The following CILP2 variants were observed in gnomAD, a reference collection of about 807,000 sequenced individuals.
CILP2 encodes the protein CILP-2.
A neutral mutation model predicts 45.6 loss-of-function variants in CILP2; 38 were observed. The observed-to-expected ratio is 0.83, with a 90% confidence interval of 0.64 to 1.09. The LOEUF (loss-of-function observed/expected upper bound fraction) is 1.09. Among genes scored for constraint, CILP2 ranks in the 50% least tolerant of loss-of-function variants. The pLI, the probability that CILP2 is intolerant of heterozygous loss-of-function variation, is 0.00. For synonymous variants in CILP2, 780 were observed against 723.5 expected, an observed-to-expected ratio of 1.08 and a Z score of -1.25; for missense variants, 1,735 against 1,662.2, an observed-to-expected ratio of 1.04 and a Z score of -0.76.
rs1019229479 is a variant in CILP2, at chr19:19,543,305, G to T, written c.1035G>T (p.Glu345Asp). 10 of 1,613,770 alleles carry T rather than the reference G, an allele frequency of 6.2e-6. No individual in the cohort carries two copies. The highest frequency in any genetic ancestry group is 8.5e-6 in the Non-Finnish European group (10 of 1,180,010). ...CTCATGGGTACGGGGCCCACCTGGAGCTGCGGGGACTGCGCCCAGACCAGG... is the reference window on the plus strand; with the variant it reads ...CTCATGGGTACGGGGCCCACCTGGATCTGCGGGGACTGCGCCCAGACCAGG... ...RRAHGYGAHL[E>D]LRGLRPDQAG... The change falls in exon 7 of 8, where the codon GAG (glutamate) becomes GAT (aspartate). Residue 345 changes from glutamate to aspartate, a missense_variant. By Grantham distance (45) the Glu-to-Asp change is conservative (BLOSUM62 2). Coordinates refer to ENST00000291495, the MANE Select transcript of CILP2 (RefSeq NM_153221.2).
At chr19:19,543,606 CAGACAG>C (rs2061252099) in intron 7 of CILP2, 69 bp from the exon 8 acceptor site, 10 of 1,454,166 alleles carry the variant, frequency 6.9e-6, no homozygotes, top group Non-Finnish European at 7.5e-6. Flanking sequence ...TCCTTGACTG[CAGACAG>C]AGTCCCCAGC....
Position 19,544,359 on chromosome 19 carries a change from C to T in CILP2, c.1814C>T (p.Ala605Val), listed in dbSNP as rs1445759088. The change falls in exon 8 of 8, where the codon GCC (alanine) becomes GTC (valine). Residue 605 changes from alanine (A) to valine (V), a missense_variant. Coordinates refer to ENST00000291495, the MANE Select transcript of CILP2 (RefSeq NM_153221.2). ...DGKPYSGPVE[A>V]RVTFVDPRDL... is the part of the protein sequence containing the mutation. Reference sequence around the variant, plus strand: ...AAACCCTACTCGGGGCCTGTGGAGGCCCGGGTGACGTTCGTGGACCCCCGA... The same window carrying T: ...AAACCCTACTCGGGGCCTGTGGAGGTCCGGGTGACGTTCGTGGACCCCCGA... The T allele has an allele frequency of 1.2e-6, 2 of 1,609,464 alleles. No individual in the cohort carries two copies. Among genetic ancestry groups the T allele is most frequent in the East Asian group, 4.5e-5 (2 of 44,760 alleles).
chr19:19,541,286 G>C, intron 4 of CILP2, 40 bp downstream of exon 4: 1 of 1,263,900 alleles, frequency 7.9e-7, no homozygotes, highest in Non-Finnish European at 1.0e-6. Context: ...CCTGTACAGA[G>C]GGGAGGAAGG....
intron 2 of CILP2, 87 bp from the exon 3 acceptor site, chr19:19,540,117 G>C (rs2061238011): frequency 7.1e-7 from 1 of 1,407,588 alleles, no homozygotes; most frequent in African/African-American, 1.5e-5. Flanking sequence ...CCGGGGGAGG[G>C]GGCTGAGACA....
chr19:19,542,679 AG>A, intron 5 of CILP2, 29 bp downstream of exon 5: 2 of 1,607,476 alleles, frequency 1.2e-6, no homozygotes, highest in Non-Finnish European at 1.7e-6. Flanking sequence ...TGGGGCATGA[AG>A]GGGCTGAGGA....
At position 19,544,159 on chromosome 19, in the gene CILP2, G is replaced by A. The variant is rs2061254501; in HGVS notation, c.1614G>A (p.Leu538=). Residue 538 remains leucine, a synonymous_variant, in exon 8 of 8, where the codon TTG becomes TTA. Transcript: ENST00000291495. ...SGEFMDAVRV[L]PFDPRGAGVY... ...AGTTCATGGACGCTGTCCGGGTCTTGCCTTTTGATCCTCGAGGTGCCGGCG... is the reference window on the plus strand; with the variant it reads ...AGTTCATGGACGCTGTCCGGGTCTTACCTTTTGATCCTCGAGGTGCCGGCG... 2 of 1,613,768 alleles carry A rather than the reference G, an allele frequency of 1.2e-6. No homozygotes were observed. The highest frequency in any genetic ancestry group is 4.5e-5 in the East Asian group (2 of 44,876).
At chr19:19,539,535 G>C in intron 1 of CILP2, 144 bp from the exon 2 acceptor site, 3 of 518,084 alleles carry the variant, frequency 5.8e-6, no homozygotes, top group Non-Finnish European at 9.9e-6. Flanking sequence ...CTGCACTCCA[G>C]CCTGGGTGAC....
rs750994887 is a variant in CILP2, at chr19:19,543,677, C to G, written c.1136-4C>G. On this transcript the variant is annotated splice_region_variant and splice_polypyrimidine_tract_variant and intron_variant, in intron 7 of 7. Coordinates refer to ENST00000291495, the MANE Select transcript of CILP2 (RefSeq NM_153221.2). ...CCTGACCTGCATGTTTTCTTTGTCC[C>G]CAGCCCCAGGCCAGCCAGCCTGCGA... 3 of 1,584,738 alleles carry G rather than the reference C, an allele frequency of 1.9e-6. No individual in the cohort carries two copies. Among genetic ancestry groups the G allele is most frequent in the South Asian group, 2.3e-5 (2 of 86,848 alleles).
In CILP2 at chr19:19,545,131, C is replaced by A; in HGVS notation, c.2586C>A (p.Asn862Lys). 1 of 1,612,224 alleles carries A rather than the reference C, an allele frequency of 6.2e-7. No individual in the cohort carries two copies. The highest frequency in any genetic ancestry group is 1.1e-5 in the South Asian group (1 of 91,046). ...PAFKRNGFRI[N>K]LAKPRPGDPA... ...TCAAGCGTAACGGCTTCCGCATCAA[C>A]CTCGCCAAGCCCAGGCCAGGTGACC... The change falls in exon 8 of 8, where the codon AAC becomes AAA. Residue 862 changes from asparagine (N) to lysine (K), a missense_variant. Physicochemically the swap from Asn to Lys is moderately conservative, Grantham distance 94. Coordinates refer to ENST00000291495, the MANE Select transcript of CILP2 (RefSeq NM_153221.2).
intron 4 of CILP2, among the ~76,000 whole-genome samples, chr19:19,541,489 GGA>G (rs2061244101): frequency 6.6e-6 from 1 of 152,196 alleles, no homozygotes; most frequent in South Asian, 2.1e-4. Flanking sequence ...GGAGCCAGGT[GGA>G]GACCAGCCCT....
In CILP2 at chr19:19,539,580, AGGG is replaced by A. The variant is rs1555729751; in HGVS notation, c.65-93_65-91del. On this transcript the variant is annotated intron_variant, in intron 1 of 7. Coordinates refer to ENST00000291495, the MANE Select transcript of CILP2 (RefSeq NM_153221.2). Reference sequence around the variant, plus strand: ...TTCCGTCTCAAAAAAAAAAAAAAAAAGGGGGGGGATGATCGTGGCTGCACCTTG... The same window carrying A: ...TTCCGTCTCAAAAAAAAAAAAAAAAAGGGGGATGATCGTGGCTGCACCTTG... 6.5e-5 allele frequency: 36 copies of A among 555,098 alleles called. No individual in the cohort carries two copies. The South Asian group carries it at 1.4e-3, about 21-fold the overall frequency. The allele number at this position is 555,098 out of a possible 1,614,324, so 34.4% of individuals were successfully genotyped here. A position where few individuals can be genotyped will look rare whatever the true frequency, so the allele number is the denominator to read the frequency against.
In CILP2 at chr19:19,538,304, G is replaced by C. The variant is rs1273541090; in HGVS notation, c.-46G>C. On this transcript the variant is annotated 5_prime_UTR_variant, in exon 1 of 8. Coordinates refer to ENST00000291495, the MANE Select transcript of CILP2 (RefSeq NM_153221.2). ...CCAGACCCGCCGGAGTTGGACCCGA[G>C]CACGCCGCGGAGCCCGGACCCTCCC... 1 of 1,531,960 alleles carries C rather than the reference G, an allele frequency of 6.5e-7. No individual in the cohort carries two copies. Among genetic ancestry groups the C allele is most frequent in the Non-Finnish European group, 8.7e-7 (1 of 1,143,466 alleles). 94.9% of individuals were successfully genotyped at this position (1,531,960 alleles called of 1,614,324 possible).
chr19:19,540,437 C>A lies in CILP2; in HGVS notation c.397C>A (p.Arg133Ser), dbSNP rs777852229. 1 of 1,472,358 alleles carries A rather than the reference C, an allele frequency of 6.8e-7. No individual in the cohort carries two copies. The highest frequency in any genetic ancestry group is 9.0e-7 in the Non-Finnish European group (1 of 1,116,818). 91.2% of individuals were successfully genotyped at this position (1,472,358 alleles called of 1,614,324 possible). A position where few individuals can be genotyped will look rare whatever the true frequency, so the allele number is the denominator to read the frequency against. The change falls in exon 3 of 8, where the codon CGC becomes AGC. Residue 133 changes from arginine (R) to serine (S), a missense_variant. By Grantham distance (110) the Arg-to-Ser change is moderately radical (BLOSUM62 -1). Transcript: ENST00000291495. ...CAACCGCGAGCAACCGCGTGGCCGC[C>A]GCTGCTCCAACTACCACGTGCGCTT... ...CLNREQPRGR[R>S]CSNYHVRFRC...
In CILP2 at chr19:19,545,914, G is replaced by A. The variant is rs201174149; in HGVS notation, c.3369G>A (p.Ala1123=). 1.4e-5 allele frequency: 22 copies of A among 1,581,916 alleles called. No homozygotes were observed. In the Admixed American group the frequency reaches 1.7e-4, roughly 13 times the overall value. The change falls in exon 8 of 8, where the codon GCG becomes GCA. Residue 1123 remains alanine, a synonymous_variant. Coordinates refer to ENST00000291495, the MANE Select transcript of CILP2 (RefSeq NM_153221.2). ...SLFQRLLESP[A]TALGDIRREM... ...TCCAGAGGCTGCTGGAGTCCCCGGC[G>A]ACAGCACTTGGTGACATCCGCAGGG... is the stretch of plus-strand genomic sequence containing the variant.
In CILP2 at chr19:19,545,864, C is replaced by T. The variant is rs372001022; in HGVS notation, c.3319C>T (p.Pro1107Ser). 1.3e-6 allele frequency: 2 copies of T among 1,586,754 alleles called. No individual in the cohort carries two copies. The highest frequency in any genetic ancestry group is 1.7e-6 in the Non-Finnish European group (2 of 1,161,176). Reference protein sequence around the residue: ...GTAVTFQCREPPAGRPSLFQR... With the variant: ...GTAVTFQCRESPAGRPSLFQR... ...AGCCGTCACCTTCCAGTGCCGGGAG[C>T]CACCGGCCGGACGACCCAGCCTCTT... The change falls in exon 8 of 8, where the codon CCA becomes TCA. Residue 1107 changes from proline (P) to serine (S), a missense_variant. Physicochemically the swap from Pro to Ser is moderately conservative, Grantham distance 74. Coordinates refer to ENST00000291495, the MANE Select transcript of CILP2 (RefSeq NM_153221.2).
chr19:19,542,897 G>A lies in CILP2; in HGVS notation c.902G>A (p.Arg301Gln), dbSNP rs539934829. The change falls in exon 6 of 8, where the codon CGA (arginine) becomes CAA (glutamine). Residue 301 changes from arginine to glutamine, a missense_variant. Physicochemically the swap from Arg to Gln is conservative, Grantham distance 43 (BLOSUM62 1). Coordinates refer to ENST00000291495, the MANE Select transcript of CILP2 (RefSeq NM_153221.2). Reference protein sequence around the residue: ...KPYLVKHPESRVREAGQNVTF... With the variant: ...KPYLVKHPESQVREAGQNVTF... ...TACCTGGTGAAACACCCTGAGTCCC[G>A]AGTGCGAGAGGCTGGCCAGAATGTG... 5 of 1,613,938 alleles carry A rather than the reference G, an allele frequency of 3.1e-6. No individual in the cohort carries two copies. The highest frequency in any genetic ancestry group is 1.7e-5 in the Admixed American group (1 of 60,006).
Position 19,545,251 on chromosome 19 carries a change from G to A in CILP2, c.2706G>A (p.Val902=). 1 of 1,612,446 alleles carries A rather than the reference G, an allele frequency of 6.2e-7. No homozygotes were observed. Among genetic ancestry groups the A allele is most frequent in the African/African-American group, 1.3e-5 (1 of 75,066 alleles). The change falls in exon 8 of 8, where the codon GTG becomes GTA. Residue 902 remains valine, a synonymous_variant. Transcript: ENST00000291495. Reference sequence around the variant, plus strand: ...CCAGCCACTTCCGCTTCGCCAGGGTGGAGGCGGACAAGTACGAGTACAACG... The same window carrying A: ...CCAGCCACTTCCGCTTCGCCAGGGTAGAGGCGGACAAGTACGAGTACAACG... ...VTASHFRFAR[V]EADKYEYNVV...
rs767287963 is a variant in CILP2 at position 19,544,151 on chromosome 19, C to T, written c.1606C>T (p.Arg536Trp). Reference sequence around the variant, plus strand: ...CAGCGGTGAGTTCATGGACGCTGTCCGGGTCTTGCCTTTTGATCCTCGAGG... The same window carrying T: ...CAGCGGTGAGTTCATGGACGCTGTCTGGGTCTTGCCTTTTGATCCTCGAGG... ...DPSGEFMDAV[R>W]VLPFDPRGAG... Residue 536 changes from arginine (R) to tryptophan (W), a missense_variant, in exon 8 of 8, where the codon CGG becomes TGG. By Grantham distance (101) the Arg-to-Trp change is moderately radical (BLOSUM62 -3). Transcript: ENST00000291495. The T allele has an allele frequency of 2.5e-6, 4 of 1,613,842 alleles. No homozygotes were observed. Among genetic ancestry groups the T allele is most frequent in the Middle Eastern group, 1.6e-4 (1 of 6,062 alleles).
chr19:19,544,825 C>A lies in CILP2; in HGVS notation c.2280C>A (p.Val760=), dbSNP rs774771611. The part of the protein sequence containing the change: ...TPSEQVEGVV[V]TLVNLEPAPG... ...GCGAGCAGGTGGAGGGCGTGGTGGT[C>A]ACGCTGGTCAATCTGGAGCCCGCCC... The change falls in exon 8 of 8, where the codon GTC becomes GTA. Residue 760 remains valine (V), a synonymous_variant. Coordinates refer to ENST00000291495, the MANE Select transcript of CILP2 (RefSeq NM_153221.2). 1.0e-5 allele frequency: 16 copies of A among 1,602,648 alleles called. No individual in the cohort carries two copies. The South Asian group carries it at 1.2e-4, about 12-fold the overall frequency.
Sources: allele counts gnomAD v4.1 joint callset (sites outside exome capture counted in the v4.1 genomes callset), GRCh38; gene constraint gnomAD v4.1.1; transcripts MANE v1.5; gene names NCBI Gene and HGNC (gene_info 2026-07-23, HGNC 2026-07-21).